Variants in CALN1 observed in about 807,000 individuals in gnomAD.
The protein encoded by CALN1 is calcium-binding protein 8.
A neutral mutation model predicts 30.6 loss-of-function variants in CALN1; 17 were observed. The ratio of observed to expected loss-of-function variants is 0.56; its 90% CI spans 0.38 to 0.83. The LOEUF (loss-of-function observed/expected upper bound fraction) is 0.83. Ranked by LOEUF, CALN1 falls within the 40% of genes least tolerant of loss-of-function variation. The pLI, the probability that CALN1 is intolerant of heterozygous loss-of-function variation, is 0.00. For synonymous variants in CALN1, 156 were observed against 131.4 expected, an observed-to-expected ratio of 1.19 and a Z score of -1.28; for missense variants, 291 against 354.9, an observed-to-expected ratio of 0.82 and a Z score of 1.45.
chr7:72,166,131 A>C (rs1788506860), intron 3 of CALN1, among the ~76,000 whole-genome samples: 1 of 152,190 alleles, frequency 6.6e-6, no homozygotes, highest in South Asian at 2.1e-4. Flanking sequence ...ACATTAGAAG[A>C]AAGCTTATAT....
At chr7:72,400,556 C>T (rs1806272453) in intron 2 of CALN1, among the ~76,000 whole-genome samples, 1 of 152,278 alleles carries the variant, frequency 6.6e-6, no homozygotes, top group Middle Eastern at 3.4e-3. Flanking sequence ...GCAGAGGCTA[C>T]ATTACATGAG....
intron 2 of CALN1, among the ~76,000 whole-genome samples, chr7:72,325,603 A>AAAAT (rs1293269676): frequency 6.6e-6 from 1 of 152,184 alleles, no homozygotes; most frequent in Non-Finnish European, 1.5e-5. Flanking sequence ...CTCTGTCTCG[A>AAAAT]AAATAAATAA....
chr7:72,116,216 C>T (rs558786658), intron 3 of CALN1, among the ~76,000 whole-genome samples: 2 of 152,282 alleles, frequency 1.3e-5, no homozygotes, highest in South Asian at 2.1e-4. Context: ...GGCAGAGGCA[C>T]GCCTGAGCCG....
At chr7:72,361,809 CTG>C (rs1365513108) in intron 2 of CALN1, among the ~76,000 whole-genome samples, 2 of 152,144 alleles carry the variant, frequency 1.3e-5, no homozygotes, top group Non-Finnish European at 2.9e-5. Context: ...CAAATAGAAA[CTG>C]TTTGATTTCA....
rs190112452 is a variant in CALN1 at position 72,210,513 on chromosome 7, G to A, written c.244+68173C>T. 3.9e-5 allele frequency among the ~76,000 whole-genome samples: 6 copies of A among 152,130 alleles called. No homozygotes were observed. In the South Asian group the frequency reaches 6.2e-4, roughly 16 times the overall value. ...AAGGAAAGAGGTTTCATTGCCTCAC[G>A]GTTCAGCATGGCTGGGGAGGCCTCA... On this transcript the variant is annotated intron_variant, in intron 3 of 6. Coordinates refer to ENST00000395275, the MANE Select transcript of CALN1 (RefSeq NM_031468.4).
intron 5 of CALN1, among the ~76,000 whole-genome samples, chr7:71,823,686 C>A (rs1584301742): frequency 6.6e-6 from 1 of 151,238 alleles, no homozygotes; most frequent in Non-Finnish European, 1.5e-5. Context: ...CCACTGCACT[C>A]CAGCCTGGGC....
rs755337432 is a variant in CALN1, at chr7:72,167,370, C to T, written c.245-61076G>A. Among the ~76,000 whole-genome samples the T allele has an allele frequency of 3.3e-5, 5 of 152,132 alleles. 1 individual carries two copies. The Middle Eastern group carries it at 0.01, about 310-fold the overall frequency. On this transcript the variant is annotated intron_variant, in intron 3 of 6. Coordinates refer to ENST00000395275, the MANE Select transcript of CALN1 (RefSeq NM_031468.4). The stretch of plus-strand genomic sequence containing the variant: ...TTTTGTTTTTGTTTTTTTGAGACAG[C>T]GTCTTTCTCTGTTGCCCAGCTTGGA...
intron 5 of CALN1, among the ~76,000 whole-genome samples, chr7:71,821,922 G>A (rs1193338212): frequency 6.6e-6 from 1 of 151,446 alleles, no homozygotes; most frequent in Non-Finnish European, 1.5e-5. Context: ...TGAGTAGCTG[G>A]GACTACGGCT....
intron 4 of CALN1, among the ~76,000 whole-genome samples, chr7:72,056,988 C>T (rs142096567): frequency 1.1e-4 from 17 of 152,134 alleles, no homozygotes; most frequent in Middle Eastern, 3.4e-3. Flanking sequence ...TTGCTTAGGC[C>T]GGAGTGCAGC....
chr7:72,024,272 G>C (rs1356640248), intron 4 of CALN1, among the ~76,000 whole-genome samples: 1 of 152,126 alleles, frequency 6.6e-6, no homozygotes, highest in Non-Finnish European at 1.5e-5. Flanking sequence ...AAGAATTAAT[G>C]TTCCTAGCTA....
At chr7:72,155,668 C>T (rs1334249028) in intron 3 of CALN1, among the ~76,000 whole-genome samples, 1 of 152,100 alleles carries the variant, frequency 6.6e-6, no homozygotes, top group Non-Finnish European at 1.5e-5. Flanking sequence ...GCTATAATGC[C>T]AACCAAGGGG....
intron 2 of CALN1, among the ~76,000 whole-genome samples, chr7:72,366,192 G>A (rs987906109): frequency 6.7e-5 from 10 of 149,632 alleles, no homozygotes; most frequent in African/African-American, 2.5e-4. Flanking sequence ...ATTTATTTTT[G>A]AGACAGAGTC....
chr7:71,906,990 C>T (rs1683687190), intron 5 of CALN1, among the ~76,000 whole-genome samples: 1 of 152,142 alleles, frequency 6.6e-6, no homozygotes, highest in African/African-American at 2.4e-5. Flanking sequence ...GTTCAGGTGA[C>T]AGAGGCAGGG....
intron 5 of CALN1, among the ~76,000 whole-genome samples, chr7:71,997,265 T>C (rs895033709): frequency 1.3e-5 from 2 of 150,188 alleles, no homozygotes; most frequent in African/African-American, 4.9e-5. Context: ...AAGAATCAAA[T>C]GGAACCAAAT....
chr7:72,129,305 G>A (rs1327021508), intron 3 of CALN1, among the ~76,000 whole-genome samples: 1 of 152,070 alleles, frequency 6.6e-6, no homozygotes, highest in Non-Finnish European at 1.5e-5. Context: ...ATTCTTTGAC[G>A]TGCAATTTGG....
At chr7:71,797,737 G>C (rs184344813) in intron 6 of CALN1, among the ~76,000 whole-genome samples, 50 of 152,170 alleles carry the variant, frequency 3.3e-4, no homozygotes, top group African/African-American at 1.2e-3. Context: ...TGTCTCTCTG[G>C]AAGCCCTACC....
At chr7:71,910,484 G>A (rs1052107596) in intron 5 of CALN1, among the ~76,000 whole-genome samples, 1 of 152,194 alleles carries the variant, frequency 6.6e-6, no homozygotes, top group Non-Finnish European at 1.5e-5. Context: ...TGTTCTGGCT[G>A]TCCTGCATCC....
At chr7:71,825,967 A>G (rs1362695387) in intron 5 of CALN1, among the ~76,000 whole-genome samples, 2 of 123,644 alleles carry the variant, frequency 1.6e-5, no homozygotes, top group African/African-American at 6.2e-5. Flanking sequence ...TGGGTGGTGG[A>G]GGTTGCAGTG....
intron 3 of CALN1, among the ~76,000 whole-genome samples, chr7:72,243,951 C>T (rs1287029803): frequency 6.6e-6 from 1 of 152,174 alleles, no homozygotes; most frequent in Non-Finnish European, 1.5e-5. Flanking sequence ...GCCGACTGTT[C>T]TACCTCTATC....
Sources: gnomAD v4.1 joint callset for allele counts (sites outside exome capture counted in the v4.1 genomes callset) on GRCh38, gnomAD v4.1.1 for gene constraint, MANE v1.5 for transcripts, NCBI Gene and HGNC (gene_info 2026-07-23, HGNC 2026-07-21) for gene names.